The following FBXO40 variants were observed in gnomAD, a reference collection of about 807,000 sequenced individuals.
FBXO40 encodes the protein F-box protein 40, also known as F-box only protein 40.
In FBXO40, 50 loss-of-function variants were observed where a neutral mutation model predicts 49.9. That is an observed-to-expected ratio of 1.00 (90% confidence interval 0.80 to 1.27). FBXO40 has a LOEUF of 1.27. FBXO40 is among the 50% of genes most tolerant of loss of function. The pLI, the probability that FBXO40 is intolerant of heterozygous loss-of-function variation, is 0.00. For missense variants in FBXO40, 895 were observed against 870.1 expected, an observed-to-expected ratio of 1.03 and a Z score of -0.36; for synonymous variants, 340 against 320.2, an observed-to-expected ratio of 1.06 and a Z score of -0.66.
At chr3:121,604,404 T>TA (rs1193462647) in intron 1 of FBXO40, among the ~76,000 whole-genome samples, 1 of 152,164 alleles carries the variant, frequency 6.6e-6, no homozygotes, top group African/African-American at 2.4e-5. Flanking sequence ...TAGGGCCCAG[T>TA]AAACCCTACA....
intron 1 of FBXO40, among the ~76,000 whole-genome samples, chr3:121,596,289 A>G (rs2048871504): frequency 6.6e-6 from 1 of 152,172 alleles, no homozygotes; most frequent in Admixed American, 6.5e-5. Context: ...AGACTCTTTC[A>G]ATAAAACATC....
In FBXO40 at chr3:121,628,157, A is replaced by C. The variant is rs2108853283; in HGVS notation, c.*1247A>C. On this transcript the variant is annotated 3_prime_UTR_variant, in exon 4 of 4. Transcript: ENST00000338040. ...TAGCCTTGGAACTATTGACATTTTT[A>C]AATGGATAATTCTTTTTTTTTTTTT... 2.6e-6 allele frequency: 1 copy of C among 379,696 alleles called. No individual in the cohort carries two copies. The highest frequency in any genetic ancestry group is 3.7e-5 in the East Asian group (1 of 26,682). 23.5% of individuals were successfully genotyped at this position (379,696 alleles called of 1,614,324 possible). A position where few individuals can be genotyped will look rare whatever the true frequency, so the allele number is the denominator to read the frequency against.
At chr3:121,594,647 A>G (rs2048862193) in intron 1 of FBXO40, among the ~76,000 whole-genome samples, 1 of 152,206 alleles carries the variant, frequency 6.6e-6, no homozygotes, top group Non-Finnish European at 1.5e-5. Flanking sequence ...TATTTTCTGT[A>G]TATACTATTC....
rs368374109 is a variant in FBXO40 at position 121,620,571 on chromosome 3, G to A, written c.-5G>A. The stretch of plus-strand genomic sequence containing the variant: ...AGCTAAGAAGCAAGAAGAAATTGGG[G>A]CGCCATGGTAAGCACCAGGAGCTTA... On this transcript the variant is annotated 5_prime_UTR_variant, in exon 2 of 4. Coordinates refer to ENST00000338040, the MANE Select transcript of FBXO40 (RefSeq NM_016298.4). 1.2e-6 allele frequency: 2 copies of A among 1,614,022 alleles called. No individual in the cohort carries two copies. The highest frequency in any genetic ancestry group is 1.3e-5 in the African/African-American group (1 of 75,012).
chr3:121,605,717 C>T (rs910161996), intron 1 of FBXO40, among the ~76,000 whole-genome samples: 1 of 152,238 alleles, frequency 6.6e-6, no homozygotes, highest in Non-Finnish European at 1.5e-5. Flanking sequence ...GAATGGCTTC[C>T]TATGCCCAGA....
rs1340906409 is a variant in FBXO40, at chr3:121,629,690, AG to A, written c.*2781del. On this transcript the variant is annotated 3_prime_UTR_variant, in exon 4 of 4. Coordinates refer to ENST00000338040, the MANE Select transcript of FBXO40 (RefSeq NM_016298.4). ...ACTTCCAGCCGCACTCTCCCCCTCC[AG>A]TTGCTGCCTTCAGAGCCGTACTGAA... is the stretch of plus-strand genomic sequence containing the variant. 6.6e-6 allele frequency: 1 copy of A among 152,254 alleles called. No individual in the cohort carries two copies. Among genetic ancestry groups the A allele is most frequent in the African/African-American group, 2.4e-5 (1 of 41,464 alleles). 9.4% of individuals were successfully genotyped at this position (152,254 alleles called of 1,614,324 possible).
In FBXO40 at chr3:121,623,288, A is replaced by C; in HGVS notation, c.1859A>C (p.Gln620Pro). The change falls in exon 3 of 4, where the codon CAA (glutamine) becomes CCA (proline). Residue 620 changes from glutamine (Q) to proline (P), a missense_variant. Transcript: ENST00000338040. ...CAAGAGAGAGGAATGGTCCTTTTGC[A>C]ATGGAAGAAAAAGAGGTATTCCCAT... is the stretch of plus-strand genomic sequence containing the variant. ...LLQERGMVLL[Q>P]WKKKRYSHGG... The C allele has an allele frequency of 6.2e-7, 1 of 1,614,206 alleles. No individual in the cohort carries two copies. Among genetic ancestry groups the C allele is most frequent in the Non-Finnish European group, 8.5e-7 (1 of 1,180,036 alleles).
intron 1 of FBXO40, among the ~76,000 whole-genome samples, chr3:121,613,497 G>C (rs1212661182): frequency 6.6e-6 from 1 of 152,206 alleles, no homozygotes; most frequent in Non-Finnish European, 1.5e-5. Context: ...GGTCTAGAAA[G>C]CGGGGCCCGG....
intron 3 of FBXO40, 65 bp downstream of exon 3, chr3:121,623,408 G>T: frequency 7.2e-7 from 1 of 1,398,478 alleles, no homozygotes. Flanking sequence ...TTTATAGACA[G>T]GTTCTCTCTC....
intron 1 of FBXO40, among the ~76,000 whole-genome samples, chr3:121,612,782 T>A (rs1256382997): frequency 6.6e-6 from 1 of 151,796 alleles, no homozygotes; most frequent in Non-Finnish European, 1.5e-5. Context: ...TAAAAAAAAA[T>A]TTCTCAGCCG....
At chr3:121,617,202 T>G (rs2049001966) in intron 1 of FBXO40, among the ~76,000 whole-genome samples, 1 of 152,210 alleles carries the variant, frequency 6.6e-6, no homozygotes, top group African/African-American at 2.4e-5. Flanking sequence ...ATACTTGAGA[T>G]GATGACCTAA....
At position 121,622,836 on chromosome 3, in the gene FBXO40, C is replaced by T. The variant is rs971114864; in HGVS notation, c.1407C>T (p.Asn469=). 5.6e-6 allele frequency: 9 copies of T among 1,614,202 alleles called. No individual in the cohort carries two copies. The highest frequency in any genetic ancestry group is 6.8e-6 in the Non-Finnish European group (8 of 1,180,030). The part of the protein sequence containing the change: ...LHSECVTRRH[N]KSSSAFTFTC... ...GCGAGTGTGTGACCAGGAGACACAA[C>T]AAAAGCAGCTCTGCCTTCACTTTCA... Residue 469 remains asparagine, a synonymous_variant, in exon 3 of 4, where the codon AAC becomes AAT. Transcript: ENST00000338040.
At chr3:121,595,004 G>A (rs952349216) in intron 1 of FBXO40, among the ~76,000 whole-genome samples, 1 of 152,152 alleles carries the variant, frequency 6.6e-6, no homozygotes, top group Non-Finnish European at 1.5e-5. Context: ...TTTTTCACTG[G>A]TTCAAAGTTC....
intron 1 of FBXO40, among the ~76,000 whole-genome samples, chr3:121,602,103 A>G (rs1056991416): frequency 6.6e-5 from 10 of 152,198 alleles, no homozygotes; most frequent in African/African-American, 1.9e-4. Flanking sequence ...GCCGTAGCTC[A>G]CTTTTTCCTT....
Position 121,621,749 on chromosome 3 carries a change from C to T in FBXO40, c.320C>T (p.Ser107Phe), listed in dbSNP as rs1370843674. Residue 107 changes from serine (S) to phenylalanine (F), a missense_variant, in exon 3 of 4, where the codon TCT becomes TTT. Physicochemically the swap from Ser to Phe is radical, Grantham distance 155. Transcript: ENST00000338040. ...TGGAACCGCTGGCCAAATGTGGACTCTGAAACCACCCTTCATGAAAACATC... is the reference window on the plus strand; with the variant it reads ...TGGAACCGCTGGCCAAATGTGGACTTTGAAACCACCCTTCATGAAAACATC... ...MEWNRWPNVD[S>F]ETTLHENIMK... The T allele has an allele frequency of 1.9e-6, 3 of 1,614,252 alleles. No individual in the cohort carries two copies. The highest frequency in any genetic ancestry group is 2.5e-6 in the Non-Finnish European group (3 of 1,180,056).
chr3:121,625,819 C>T (rs1274040187), intron 3 of FBXO40, among the ~76,000 whole-genome samples: 1 of 152,110 alleles, frequency 6.6e-6, no homozygotes, highest in South Asian at 2.1e-4. Flanking sequence ...GTTCTAAGAT[C>T]TCAAAAAAAC....
At position 121,623,204 on chromosome 3, in the gene FBXO40, G is replaced by C. The variant is rs184673980; in HGVS notation, c.1775G>C (p.Ser592Thr). The C allele has an allele frequency of 7.0e-5, 113 of 1,614,208 alleles. 1 individual carries two copies. In the Middle Eastern group the frequency reaches 9.9e-4, roughly 14 times the overall value. ...KYIAGFLDSV[S>T]LAQLSQVSVL... ...ATTGCTGGGTTCTTGGACAGCGTCA[G>C]CCTGGCCCAGCTCTCCCAGGTGTCT... The change falls in exon 3 of 4, where the codon AGC becomes ACC. Residue 592 changes from serine to threonine, a missense_variant. Ser to Thr is a moderately conservative substitution (Grantham distance 58). Transcript: ENST00000338040.
intron 1 of FBXO40, among the ~76,000 whole-genome samples, chr3:121,599,339 A>G (rs893250146): frequency 6.6e-6 from 1 of 151,914 alleles, no homozygotes; most frequent in Non-Finnish European, 1.5e-5. Context: ...GTGATGGTGC[A>G]TGCCTGTAAT....
At position 121,626,685 on chromosome 3, in the gene FBXO40, T is replaced by C; in HGVS notation, c.1915-10T>C. ...TATATTCACCTTTGAACTTCTATCT[T>C]TCTCAACAGATCTGGCAGTTCAGCA... is the stretch of plus-strand genomic sequence containing the variant. On this transcript the variant is annotated splice_polypyrimidine_tract_variant and intron_variant, in intron 3 of 3. Transcript: ENST00000338040. 3 of 1,613,828 alleles carry C rather than the reference T, an allele frequency of 1.9e-6. No individual in the cohort carries two copies. The highest frequency in any genetic ancestry group is 2.5e-6 in the Non-Finnish European group (3 of 1,179,728).
Sources: gnomAD v4.1 joint callset for allele counts (sites outside exome capture counted in the v4.1 genomes callset) on GRCh38, gnomAD v4.1.1 for gene constraint, MANE v1.5 for transcripts, NCBI Gene and HGNC (gene_info 2026-07-23, HGNC 2026-07-21) for gene names.